Variants in TMTC2 observed in about 807,000 individuals in gnomAD.
TMTC2 encodes protein O-mannosyl-transferase TMTC2.
TMTC2 carries 43 observed loss-of-function variants against 82.4 expected under a neutral mutation model. That is an observed-to-expected ratio of 0.52 (90% CI 0.41 to 0.67). The LOEUF is 0.67. Among genes scored for constraint, TMTC2 ranks in the 30% least tolerant of loss-of-function variants. TMTC2 has a pLI of 0.00. For missense variants in TMTC2, 919 were observed against 1,012.4 expected, an observed-to-expected ratio of 0.91 and a Z score of 1.25; for synonymous variants, 408 against 381.9, an observed-to-expected ratio of 1.07 and a Z score of -0.80.
intron 11 of TMTC2, among the ~76,000 whole-genome samples, chr12:83,098,897 C>T (rs1292152034): frequency 6.6e-6 from 1 of 152,102 alleles, no homozygotes; most frequent in Non-Finnish European, 1.5e-5. Flanking sequence ...CCTTGAAAAT[C>T]GATATTAAAT....
chr12:82,738,177 A>G (rs1257898326), intron 1 of TMTC2, among the ~76,000 whole-genome samples: 1 of 152,194 alleles, frequency 6.6e-6, no homozygotes, highest in Admixed American at 6.5e-5. Flanking sequence ...GCAAGCTTGA[A>G]AAGGACCAAT....
chr12:83,038,307 CA>C (rs757336334), intron 9 of TMTC2, among the ~76,000 whole-genome samples: 21 of 150,014 alleles, frequency 1.4e-4, no homozygotes, highest in East Asian at 5.9e-4. Context: ...TATATATACT[CA>C]AAAAAAAAGT....
intron 3 of TMTC2, among the ~76,000 whole-genome samples, chr12:82,929,904 A>G (rs1189612871): frequency 6.6e-6 from 1 of 152,206 alleles, no homozygotes; most frequent in African/African-American, 2.4e-5. Flanking sequence ...GAAACAGTAT[A>G]AAAGAACATT....
intron 11 of TMTC2, among the ~76,000 whole-genome samples, chr12:83,063,354 A>G (rs148577438): frequency 2.7e-4 from 41 of 151,776 alleles, no homozygotes; most frequent in Non-Finnish European, 5.5e-4. Flanking sequence ...TTGGGTGGCT[A>G]TTCTGAATGC....
chr12:82,988,057 G>C, intron 8 of TMTC2, among the ~76,000 whole-genome samples: 1 of 152,178 alleles, frequency 6.6e-6, no homozygotes, highest in East Asian at 1.9e-4. Flanking sequence ...AATCTAGAAG[G>C]AATGCTGGAG....
At chr12:82,775,052 G>A (rs1877515995) in intron 1 of TMTC2, among the ~76,000 whole-genome samples, 1 of 152,026 alleles carries the variant, frequency 6.6e-6, no homozygotes, top group Non-Finnish European at 1.5e-5. Flanking sequence ...AATGTCATTA[G>A]TAAACCAGGG....
intron 1 of TMTC2, among the ~76,000 whole-genome samples, chr12:82,706,118 G>C (rs185639785): frequency 6.6e-6 from 1 of 152,200 alleles, no homozygotes; most frequent in African/African-American, 2.4e-5. Flanking sequence ...AGACCAGCCC[G>C]GCCAACATGG....
intron 11 of TMTC2, among the ~76,000 whole-genome samples, chr12:83,127,740 T>C (rs989749176): frequency 1.1e-4 from 16 of 152,130 alleles, no homozygotes; most frequent in Admixed American, 8.5e-4. Context: ...GCTGCATTCC[T>C]TGAGAGTCTC....
chr12:82,955,210 C>T (rs1328827566), intron 4 of TMTC2, among the ~76,000 whole-genome samples: 1 of 152,138 alleles, frequency 6.6e-6, no homozygotes, highest in African/African-American at 2.4e-5. Context: ...CAGTTACATT[C>T]CCCAAGTTGT....
At chr12:82,765,163 G>A (rs971754291) in intron 1 of TMTC2, among the ~76,000 whole-genome samples, 3 of 152,094 alleles carry the variant, frequency 2.0e-5, no homozygotes, top group South Asian at 2.1e-4. Context: ...GCAGGTTTGC[G>A]CGACCCAGTT....
intron 8 of TMTC2, among the ~76,000 whole-genome samples, chr12:82,991,163 A>G (rs1175523102): frequency 6.6e-6 from 1 of 152,216 alleles, no homozygotes; most frequent in Non-Finnish European, 1.5e-5. Flanking sequence ...ACTAAACAGT[A>G]GAATTGAATA....
chr12:82,701,572 A>AC, intron 1 of TMTC2, among the ~76,000 whole-genome samples: 1 of 147,272 alleles, frequency 6.8e-6, no homozygotes, highest in Admixed American at 6.8e-5. Flanking sequence ...ACCAACATGG[A>AC]GAAACCCCGT....
intron 9 of TMTC2, among the ~76,000 whole-genome samples, chr12:83,047,865 C>T (rs1882200657): frequency 6.6e-6 from 1 of 152,090 alleles, no homozygotes; most frequent in Non-Finnish European, 1.5e-5. Context: ...ACAATATTTC[C>T]TTTTTTGTTG....
intron 4 of TMTC2, among the ~76,000 whole-genome samples, chr12:82,936,029 G>A (rs1289596261): frequency 6.6e-6 from 1 of 151,994 alleles, no homozygotes; most frequent in Non-Finnish European, 1.5e-5. Flanking sequence ...AATAAAAAAT[G>A]TCAAATATAC....
At chr12:82,982,018 T>C (rs1878940035) in intron 7 of TMTC2, among the ~76,000 whole-genome samples, 1 of 151,814 alleles carries the variant, frequency 6.6e-6, no homozygotes, top group Non-Finnish European at 1.5e-5. Context: ...TTTTTTTTTT[T>C]TTTAAATCTT....
chr12:82,970,212 ATAG>A (rs982942857), intron 7 of TMTC2, among the ~76,000 whole-genome samples: 11 of 152,256 alleles, frequency 7.2e-5, no homozygotes, highest in South Asian at 2.1e-4. Flanking sequence ...GATTTTGGTA[ATAG>A]TAGTATCAGT....
chr12:83,127,799 C>G (rs1204092089), intron 11 of TMTC2, among the ~76,000 whole-genome samples: 1 of 152,096 alleles, frequency 6.6e-6, no homozygotes, highest in East Asian at 1.9e-4. Context: ...CTTTGCTCTC[C>G]CCACCACAAT....
intron 11 of TMTC2, among the ~76,000 whole-genome samples, chr12:83,124,579 A>C (rs56249310): frequency 9.5e-6 from 1 of 105,340 alleles, no homozygotes; most frequent in African/African-American, 3.8e-5. Flanking sequence ...TTTTTTTTTT[A>C]ATGAGCAGAA....
At chr12:83,059,871 G>T (rs1303732538) in intron 10 of TMTC2, among the ~76,000 whole-genome samples, 4 of 151,666 alleles carry the variant, frequency 2.6e-5, no homozygotes, top group Non-Finnish European at 4.4e-5. Context: ...TCTATTGGTT[G>T]ATCTCACTTC....
Sources: allele counts gnomAD v4.1 joint callset (sites outside exome capture counted in the v4.1 genomes callset), GRCh38; gene constraint gnomAD v4.1.1; transcripts MANE v1.5; gene names NCBI Gene and HGNC (gene_info 2026-07-23, HGNC 2026-07-21).